Variants in MAPK12 observed in about 807,000 individuals in gnomAD.
MAPK12 encodes mitogen-activated protein kinase 12, also known as MAP kinase 12.
Under a neutral mutation model 49.1 loss-of-function variants are expected in MAPK12, and 49 were observed. The observed-to-expected ratio is 1.00, with a 90% CI of 0.79 to 1.27. The LOEUF (loss-of-function observed/expected upper bound fraction) is 1.27. Ranked by LOEUF, MAPK12 falls within the 50% of genes most tolerant of loss-of-function variation. The pLI is 0.00. For synonymous variants in MAPK12, 251 were observed against 209.7 expected (o/e 1.20, Z -1.70); for missense variants, 554 against 502.4 (o/e 1.10, Z -0.98).
At chr22:50,255,904 C>T in intron 7 of MAPK12, 23 bp from the exon 8 acceptor site, 1 of 1,606,340 alleles carries the variant, frequency 6.2e-7, no homozygotes, top group East Asian at 2.2e-5. Context: ...CCCTGGTCAG[C>T]TCCGTGGGCA....
Position 50,257,080 on chromosome 22 carries a change from ACCCT to A in MAPK12, c.424_426+1del. ...CCCTGCAGCCTCCCCCGGGGCCCGTACCCTCAGCCCCTTCAGCATCTGGTACACG... is the reference window on the plus strand; with the variant it reads ...CCCTGCAGCCTCCCCCGGGGCCCGTACAGCCCCTTCAGCATCTGGTACACG... On this transcript the variant is annotated splice_donor_variant and coding_sequence_variant, in exon 4 of 12. Transcript: ENST00000215659. LOFTEE classifies it high-confidence loss of function. The A allele has an allele frequency of 6.2e-7, 1 of 1,611,622 alleles. No individual in the cohort carries two copies. Among genetic ancestry groups the A allele is most frequent in the South Asian group, 1.1e-5 (1 of 91,068 alleles).
rs200110495 is a variant in MAPK12 at position 50,257,164 on chromosome 22, T to A, written c.344A>T (p.Asp115Val). Reference protein sequence around the residue: ...FYLVMPFMGTDLGKLMKHEKL... With the variant: ...FYLVMPFMGTVLGKLMKHEKL... ...CTCATGTTTCATGAGCTTGCCCAGG[T>A]CGGTGCCCATGAACGGCATCACCAG... Residue 115 changes from aspartate (D) to valine (V), a missense_variant, in exon 4 of 12, where the codon GAC becomes GTC. Coordinates refer to ENST00000215659, the MANE Select transcript of MAPK12 (RefSeq NM_002969.6). 6.2e-7 allele frequency: 1 copy of A among 1,612,696 alleles called. No homozygotes were observed. Among genetic ancestry groups the A allele is most frequent in the African/African-American group, 1.3e-5 (1 of 75,016 alleles).
intron 3 of MAPK12, 111 bp from the exon 4 acceptor site, chr22:50,257,304 G>C (rs2065160980): frequency 5.2e-6 from 4 of 772,278 alleles, no homozygotes; most frequent in Non-Finnish European, 8.8e-6. Flanking sequence ...GGCACCCCCA[G>C]GAAGGTCACC....
Position 50,253,448 on chromosome 22 carries a change from G to C in MAPK12, c.1057C>G (p.Pro353Ala), listed in dbSNP as rs746965360. The change falls in exon 12 of 12, where the codon CCT becomes GCT. Residue 353 changes from proline to alanine, a missense_variant. Pro to Ala is a conservative substitution (Grantham distance 27). Transcript: ENST00000215659. ...VTYKEVLSFK[P>A]PRQLGARVSK... is the part of the protein sequence containing the mutation. ...ACCCTGGCCCCCAGCTGCCGGGGAG[G>C]CTTGAAGCTGAGCACCTCTTTGTAA... is the stretch of plus-strand genomic sequence containing the variant. 1 of 1,340,820 alleles carries C rather than the reference G, an allele frequency of 7.5e-7. No individual in the cohort carries two copies. Among genetic ancestry groups the C allele is most frequent in the African/African-American group, 1.6e-5 (1 of 63,772 alleles). 83.1% of individuals were successfully genotyped at this position (1,340,820 alleles called of 1,614,324 possible).
At position 50,253,273 on chromosome 22, in the gene MAPK12, A is replaced by C. The variant is rs1601637514; in HGVS notation, c.*128T>G. 3.0e-5 allele frequency: 22 copies of C among 726,374 alleles called. No individual in the cohort carries two copies. Among genetic ancestry groups the C allele is most frequent in the East Asian group, 1.1e-4 (4 of 36,232 alleles). The allele number at this position is 726,374 out of a possible 1,614,324, so 45.0% of individuals were successfully genotyped here. A position where few individuals can be genotyped will look rare whatever the true frequency, so the allele number is the denominator to read the frequency against. ...GGCCGTGGGGAGGAGGGTCCATGGA[A>C]CCCGGGCGTCTGCTCTGATGGATGC... On this transcript the variant is annotated 3_prime_UTR_variant, in exon 12 of 12. Transcript: ENST00000215659.
chr22:50,261,559 A>C lies in MAPK12; in HGVS notation c.-50T>G. ...CGCAGAGCCTGCGGGCGGTGCCCCC[A>C]CGACCGGGGACGGGGCTCCCTCGGC... On this transcript the variant is annotated 5_prime_UTR_variant, in exon 1 of 12. Transcript: ENST00000215659. The C allele has an allele frequency of 9.7e-7, 1 of 1,028,338 alleles. No homozygotes were observed. Among genetic ancestry groups the C allele is most frequent in the Non-Finnish European group, 1.2e-6 (1 of 859,738 alleles). 63.7% of individuals were successfully genotyped at this position (1,028,338 alleles called of 1,614,324 possible). A position where few individuals can be genotyped will look rare whatever the true frequency, so the allele number is the denominator to read the frequency against.
At chr22:50,261,327 G>T in intron 1 of MAPK12, 31 bp from the exon 2 acceptor site, 1 of 1,265,452 alleles carries the variant, frequency 7.9e-7, no homozygotes, top group Non-Finnish European at 1.0e-6. Flanking sequence ...CGGGAAGGCC[G>T]GGCACCCCGC....
chr22:50,257,978 C>G (rs1464362606), intron 3 of MAPK12: 1 of 758,164 alleles, frequency 1.3e-6, no homozygotes, highest in Non-Finnish European at 2.4e-6. Context: ...AAGGTTCACA[C>G]CTCCGGTGCT....
chr22:50,258,232 T>C lies in MAPK12; in HGVS notation c.314+11A>G, dbSNP rs758067990. On this transcript the variant is annotated intron_variant, in intron 3 of 11. Coordinates refer to ENST00000215659, the MANE Select transcript of MAPK12 (RefSeq NM_002969.6). ...CCTCGTGCCCAGCGGCCAGCCCAGGTCGGCACTCACAAGTCCGTGAAGTCA... is the reference window on the plus strand; with the variant it reads ...CCTCGTGCCCAGCGGCCAGCCCAGGCCGGCACTCACAAGTCCGTGAAGTCA... The C allele has an allele frequency of 5.0e-6, 8 of 1,612,748 alleles. No homozygotes were observed. The highest frequency in any genetic ancestry group is 6.8e-6 in the Non-Finnish European group (8 of 1,179,852).
intron 5 of MAPK12, 64 bp downstream of exon 5, chr22:50,256,871 G>A (rs1442902284): frequency 1.9e-6 from 3 of 1,579,478 alleles, no homozygotes; most frequent in Non-Finnish European, 1.7e-6. Context: ...TCACAGGTGG[G>A]ACGTGGAGGC....
In MAPK12 at chr22:50,261,275, G is replaced by C; in HGVS notation, c.147C>G (p.Thr49=). 6.5e-7 allele frequency: 1 copy of C among 1,530,236 alleles called. No homozygotes were observed. The highest frequency in any genetic ancestry group is 8.8e-7 in the Non-Finnish European group (1 of 1,139,170). 94.8% of individuals were successfully genotyped at this position (1,530,236 alleles called of 1,614,324 possible). ...GAVCSAVDGR[T]GAKVAIKKLY... ...GCTTCTTGATGGCCACCTTAGCGCCGGTGCGGCCGTCCACGGCCGAGCTGC... is the reference window on the plus strand; with the variant it reads ...GCTTCTTGATGGCCACCTTAGCGCCCGTGCGGCCGTCCACGGCCGAGCTGC... The change falls in exon 2 of 12, where the codon ACC becomes ACG. Residue 49 remains threonine, a synonymous_variant. Coordinates refer to ENST00000215659, the MANE Select transcript of MAPK12 (RefSeq NM_002969.6).
At chr22:50,256,575 G>C in intron 6 of MAPK12, 24 bp downstream of exon 6, 2 of 1,606,562 alleles carry the variant, frequency 1.2e-6, no homozygotes, top group Non-Finnish European at 1.7e-6. Context: ...CCCACCTCAG[G>C]GCCCCCTGCC....
chr22:50,258,161 T>C (rs1601643865), intron 3 of MAPK12, 82 bp downstream of exon 3: 4 of 1,352,318 alleles, frequency 3.0e-6, no homozygotes, highest in African/African-American at 1.4e-5. Flanking sequence ...GAGAACCCCA[T>C]TGCCAACCTA....
intron 11 of MAPK12, chr22:50,254,580 A>T: frequency 1.1e-6 from 1 of 883,940 alleles, no homozygotes; most frequent in African/African-American, 1.8e-5. Context: ...TGTACCCGGG[A>T]GACGGAGCTT....
At chr22:50,256,700 A>C in intron 5 of MAPK12, 54 bp from the exon 6 acceptor site, 2 of 1,570,974 alleles carry the variant, frequency 1.3e-6, no homozygotes. Context: ...GCATGGGCAC[A>C]GCCAAGAGCC....
chr22:50,258,065 C>A, intron 3 of MAPK12, 178 bp downstream of exon 3: 1 of 726,672 alleles, frequency 1.4e-6, no homozygotes, highest in Non-Finnish European at 2.5e-6. Context: ...CCCGTGGGTC[C>A]CAGGACCATG....
chr22:50,258,943 G>A (rs959007964), intron 2 of MAPK12, among the ~76,000 whole-genome samples: 6 of 152,216 alleles, frequency 3.9e-5, no homozygotes, highest in Non-Finnish European at 8.8e-5. Flanking sequence ...GAGCACACTT[G>A]GATAGTTTGA....
chr22:50,253,548 G>T, intron 11 of MAPK12, 68 bp from the exon 12 acceptor site: 1 of 805,206 alleles, frequency 1.2e-6, no homozygotes, highest in Non-Finnish European at 2.1e-6. Flanking sequence ...CCTGGGAGTC[G>T]CTCACAGACA....
At chr22:50,259,814 G>A (rs540431465) in intron 2 of MAPK12, among the ~76,000 whole-genome samples, 5 of 152,056 alleles carry the variant, frequency 3.3e-5, no homozygotes, top group South Asian at 4.2e-4. Context: ...AACCCAGGAC[G>A]CGAAGGTTGC....
Sources: gnomAD v4.1 joint callset for allele counts (sites outside exome capture counted in the v4.1 genomes callset) on GRCh38, gnomAD v4.1.1 for gene constraint, MANE v1.5 for transcripts, NCBI Gene and HGNC (gene_info 2026-07-23, HGNC 2026-07-21) for gene names.